ALX1: variants seen among roughly 807,000 people sequenced by gnomAD.
The protein encoded by ALX1 is ALX homeobox protein 1.
Under a neutral mutation model 31.7 loss-of-function variants are expected in ALX1, and 19 were observed. That is an observed-to-expected ratio of 0.60 (90% confidence interval 0.42 to 0.88). The LOEUF is 0.88. Among genes scored for constraint, ALX1 ranks in the 40% least tolerant of loss-of-function variants. ALX1 has a pLI of 0.00. For synonymous variants in ALX1, 153 were observed against 148.8 expected (o/e 1.03, Z -0.20); for missense variants, 415 against 407.8 (o/e 1.02, Z -0.15).
At chr12:85,290,227 G>C (rs1896800545) in intron 3 of ALX1, among the ~76,000 whole-genome samples, 1 of 151,066 alleles carries the variant, frequency 6.6e-6, no homozygotes, top group Admixed American at 6.6e-5. Flanking sequence ...TTTTACTATA[G>C]TAGCAACAGC....
At chr12:85,282,747 T>A (rs1896693272) in intron 1 of ALX1, among the ~76,000 whole-genome samples, 1 of 152,196 alleles carries the variant, frequency 6.6e-6, no homozygotes, top group African/African-American at 2.4e-5. Context: ...CTTAACAGAA[T>A]GCCAGATGTC....
chr12:85,284,586 A>G (rs1896724498), intron 2 of ALX1, among the ~76,000 whole-genome samples: 1 of 152,158 alleles, frequency 6.6e-6, no homozygotes, highest in South Asian at 2.1e-4. Context: ...TTTATAAGAT[A>G]TATTCTAGTT....
chr12:85,292,171 G>A (rs1896826448), intron 3 of ALX1, among the ~76,000 whole-genome samples: 1 of 150,928 alleles, frequency 6.6e-6, no homozygotes, highest in African/African-American at 2.4e-5. Context: ...ATCTTATGTT[G>A]TAGCGTTTTA....
intron 1 of ALX1, 145 bp downstream of exon 1, chr12:85,280,632 G>A: frequency 1.1e-6 from 1 of 904,126 alleles, no homozygotes; most frequent in Non-Finnish European, 1.7e-6. Flanking sequence ...GAAGGTGCTC[G>A]CTTTATGAAG....
chr12:85,301,384 C>T lies in ALX1; in HGVS notation c.890C>T (p.Thr297Ile). Residue 297 changes from threonine to isoleucine, a missense_variant, in exon 4 of 4, where the codon ACA becomes ATA. Transcript: ENST00000316824. ...TGATNGHAFETKPEFERRSSS... is the reference protein window; with the variant it reads ...TGATNGHAFEIKPEFERRSSS... ...GCAACCAATGGACATGCATTTGAAA[C>T]AAAGCCAGAGTTTGAAAGGAGGTCT... The T allele has an allele frequency of 1.2e-6, 2 of 1,614,056 alleles. No homozygotes were observed. The highest frequency in any genetic ancestry group is 1.7e-6 in the Non-Finnish European group (2 of 1,179,974).
chr12:85,301,014 CATT>C, intron 3 of ALX1, 138 bp from the exon 4 acceptor site: 2 of 783,046 alleles, frequency 2.6e-6, no homozygotes, highest in Non-Finnish European at 2.1e-6. Context: ...ATTTTTTAGT[CATT>C]GTTGTATGTA....
At chr12:85,283,309 AC>A (rs1896703245) in intron 1 of ALX1, among the ~76,000 whole-genome samples, 1 of 152,192 alleles carries the variant, frequency 6.6e-6, no homozygotes, top group Non-Finnish European at 1.5e-5. Context: ...TAAGTAAAAA[AC>A]ATGTGCATAA....
rs1896649081 is a variant in ALX1 at position 85,280,231 on chromosome 12, C to G, written c.-31C>G. 6.2e-7 allele frequency: 1 copy of G among 1,600,844 alleles called. No homozygotes were observed. The highest frequency in any genetic ancestry group is 8.6e-7 in the Non-Finnish European group (1 of 1,169,020). ...CCCCAGCGCTCTCCAGTTTCTGTGCCCCAGGAGCTACGCGACAGTCTTCCA... is the reference window on the plus strand; with the variant it reads ...CCCCAGCGCTCTCCAGTTTCTGTGCGCCAGGAGCTACGCGACAGTCTTCCA... On this transcript the variant is annotated 5_prime_UTR_variant, in exon 1 of 4. Coordinates refer to ENST00000316824, the MANE Select transcript of ALX1 (RefSeq NM_006982.3).
At chr12:85,287,771 A>G (rs1896768639) in intron 3 of ALX1, among the ~76,000 whole-genome samples, 1 of 151,376 alleles carries the variant, frequency 6.6e-6, no homozygotes, top group Admixed American at 6.6e-5. Context: ...TCAGAACTGT[A>G]TTTGATACAT....
rs182010626 is a variant in ALX1, at chr12:85,296,820, G to A, written c.661-4335G>A. 5.0e-3 allele frequency among the ~76,000 whole-genome samples: 749 copies of A among 151,130 alleles called. 11 individuals are homozygous for A. Among genetic ancestry groups the A allele is most frequent in the African/African-American group, 0.017 (706 of 41,110 alleles). ...CCTTGAATATTAAACAGAGGCCTAC[G>A]AAAACACCGTAAAATTATATGGTGC... On this transcript the variant is annotated intron_variant, in intron 3 of 3. Transcript: ENST00000316824.
At chr12:85,287,764 G>A (rs1896768510) in intron 3 of ALX1, among the ~76,000 whole-genome samples, 1 of 150,278 alleles carries the variant, frequency 6.7e-6, no homozygotes, top group South Asian at 2.1e-4. Flanking sequence ...ATGATATTCA[G>A]AACTGTATTT....
chr12:85,283,689 A>G lies in ALX1; in HGVS notation c.344A>G (p.Glu115Gly). ...SPVKGMQEKG[E>G]LDELGDKCDS... Reference sequence around the variant, plus strand: ...GTGAAAGGGATGCAAGAGAAGGGAGAGCTGGATGAACTTGGGGATAAATGT... The same window carrying G: ...GTGAAAGGGATGCAAGAGAAGGGAGGGCTGGATGAACTTGGGGATAAATGT... The change falls in exon 2 of 4, where the codon GAG (glutamate) becomes GGG (glycine). Residue 115 changes from glutamate to glycine, a missense_variant. By Grantham distance (98) the Glu-to-Gly change is moderately conservative (BLOSUM62 -2). This residue lies in a region of ALX1 where 235 missense variants were observed against 208.9 expected (regional missense o/e 1.13). Coordinates refer to ENST00000316824, the MANE Select transcript of ALX1 (RefSeq NM_006982.3). 4 of 1,614,124 alleles carry G rather than the reference A, an allele frequency of 2.5e-6. No homozygotes were observed. The highest frequency in any genetic ancestry group is 3.4e-6 in the Non-Finnish European group (4 of 1,180,010).
intron 3 of ALX1, among the ~76,000 whole-genome samples, chr12:85,291,984 G>A (rs1259520234): frequency 6.6e-6 from 1 of 151,054 alleles, no homozygotes; most frequent in Non-Finnish European, 1.5e-5. Flanking sequence ...TATAAAATGG[G>A]GGTAAAAGCT....
rs778019022 is a variant in ALX1 at position 85,280,486 on chromosome 12, C to T, written c.225C>T (p.Ser75=). Residue 75 remains serine, a splice_region_variant and synonymous_variant, in exon 1 of 4, where the codon AGC becomes AGT. Transcript: ENST00000316824. ...LERTSPCQDS[S]VNYGITKVEG... is the part of the protein sequence containing the mutation. ...GGACCTCGCCCTGTCAGGACAGCAG[C>T]GGTGAGTCGCTAGCGCCCCAGCCGG... 41 of 1,610,166 alleles carry T rather than the reference C, an allele frequency of 2.5e-5. No individual in the cohort carries two copies. The highest frequency in any genetic ancestry group is 2.2e-4 in the Middle Eastern group (1 of 4,534).
At chr12:85,287,453 G>GT (rs1236366598) in intron 3 of ALX1, among the ~76,000 whole-genome samples, 10,256 of 137,408 alleles carry the variant, frequency 0.075, 1,089 homozygotes, top group African/African-American at 0.25. Flanking sequence ...CTTTTTCTAT[G>GT]TTTTTTTTTT....
At chr12:85,290,933 C>T (rs1312073977) in intron 3 of ALX1, among the ~76,000 whole-genome samples, 2 of 150,882 alleles carry the variant, frequency 1.3e-5, no homozygotes, top group Non-Finnish European at 3.0e-5. Flanking sequence ...AAAAGATGAC[C>T]CAGTTACTAG....
chr12:85,294,735 T>C (rs950224855), intron 3 of ALX1, among the ~76,000 whole-genome samples: 1 of 151,118 alleles, frequency 6.6e-6, no homozygotes, highest in African/African-American at 2.4e-5. Flanking sequence ...TGCTAAGCAG[T>C]TTTCCTCTTA....
At position 85,301,185 on chromosome 12, in the gene ALX1, AGTGGTG is replaced by A. The variant is rs1896959344; in HGVS notation, c.694_699del (p.Gly232_Gly233del). ...GAACAATTTGTGGGCAGGAAATGCA[AGTGGTG>A]GTTCTGTGGTTACTTCATGCATGTT... On this transcript the variant is annotated inframe_deletion, in exon 4 of 4. Transcript: ENST00000316824. 1 of 1,614,022 alleles carries A rather than the reference AGTGGTG, an allele frequency of 6.2e-7. No homozygotes were observed. Among genetic ancestry groups the A allele is most frequent in the South Asian group, 1.1e-5 (1 of 91,076 alleles).
chr12:85,290,623 C>A (rs773873927), intron 3 of ALX1, among the ~76,000 whole-genome samples: 5 of 151,236 alleles, frequency 3.3e-5, no homozygotes, highest in Non-Finnish European at 7.4e-5. Context: ...GATGTACTGA[C>A]AACAGTATCT....
Sources: allele counts gnomAD v4.1 joint callset (sites outside exome capture counted in the v4.1 genomes callset), GRCh38; gene constraint gnomAD v4.1.1; regional missense constraint gnomAD v4.1.1; transcripts MANE v1.5; gene names NCBI Gene and HGNC (gene_info 2026-07-23, HGNC 2026-07-21).